The following GDAP1L1 variants were observed in gnomAD, a reference collection of about 807,000 sequenced individuals.
The protein encoded by GDAP1L1 is ganglioside-induced differentiation-associated protein 1-like 1.
GDAP1L1 carries 21 observed loss-of-function variants against 37.1 expected under a neutral mutation model. The observed-to-expected ratio is 0.57, with a 90% CI of 0.40 to 0.81. The LOEUF (loss-of-function observed/expected upper bound fraction) is 0.81, where lower values mean the gene tolerates loss of function less well. Ranked by LOEUF, GDAP1L1 falls within the 40% of genes least tolerant of loss-of-function variation. The pLI is 0.00. For synonymous variants in GDAP1L1, 193 were observed against 209.1 expected, an observed-to-expected ratio of 0.92 and a Z score of 0.67; for missense variants, 362 against 491.6, an observed-to-expected ratio of 0.74 and a Z score of 2.49.
intron 5 of GDAP1L1, among the ~76,000 whole-genome samples, chr20:44,267,326 T>C (rs2062463778): frequency 6.6e-6 from 1 of 152,122 alleles, no homozygotes; most frequent in Admixed American, 6.5e-5. Flanking sequence ...AAAAGGGTGA[T>C]AGGTTGGGCA....
Position 44,277,806 on chromosome 20 carries a change from C to T in GDAP1L1, c.761-1151C>T, listed in dbSNP as rs149985674. Among the ~76,000 whole-genome samples the T allele has an allele frequency of 2.8e-3, 433 of 152,222 alleles. 3 individuals are homozygous for T. Among genetic ancestry groups the T allele is most frequent in the African/African-American group, 9.7e-3 (404 of 41,520 alleles). ...GATTCTGGAAGATATCCAAAGTTAT[C>T]TGAAGACAATGCTGATGGAAATTGC... On this transcript the variant is annotated intron_variant, in intron 5 of 5. Transcript: ENST00000342560.
intron 2 of GDAP1L1, 165 bp from the exon 3 acceptor site, chr20:44,258,269 G>A (rs549660217): frequency 2.7e-6 from 2 of 748,150 alleles, no homozygotes; most frequent in Non-Finnish European, 4.8e-6. Flanking sequence ...AGGAGAGATG[G>A]CCGGGCCACC....
rs1174999228 is a variant in GDAP1L1, at chr20:44,280,256, A to T, written c.*956A>T. On this transcript the variant is annotated 3_prime_UTR_variant, in exon 6 of 6. Transcript: ENST00000342560. The stretch of plus-strand genomic sequence containing the variant: ...GCGGGGAAGTCTCTGCATCCATGCC[A>T]CCCACCCCAGTCGGGTCTCACTTTC... 6.4e-6 allele frequency: 1 copy of T among 156,764 alleles called. No individual in the cohort carries two copies. Among genetic ancestry groups the T allele is most frequent in the African/African-American group, 2.4e-5 (1 of 41,288 alleles). The allele number at this position is 156,764 out of a possible 1,614,324, so 9.7% of individuals were successfully genotyped here.
chr20:44,253,952 G>A (rs2073492587), intron 1 of GDAP1L1, among the ~76,000 whole-genome samples: 1 of 152,254 alleles, frequency 6.6e-6, no homozygotes, highest in Admixed American at 6.5e-5. Flanking sequence ...CAGGTGCCCT[G>A]CCAAGATGGA....
At chr20:44,247,927 C>T (rs1012478815) in intron 1 of GDAP1L1, among the ~76,000 whole-genome samples, 2 of 151,978 alleles carry the variant, frequency 1.3e-5, no homozygotes, top group Non-Finnish European at 2.9e-5. Flanking sequence ...GCCTCGGTAG[C>T]CCCCTCTCAG....
chr20:44,278,719 G>A (rs1950978705), intron 5 of GDAP1L1, among the ~76,000 whole-genome samples: 1 of 152,002 alleles, frequency 6.6e-6, no homozygotes, highest in South Asian at 2.1e-4. Flanking sequence ...TGTATCAGCT[G>A]TAAAATGAGG....
At chr20:44,272,964 C>T (rs776709183) in intron 5 of GDAP1L1, among the ~76,000 whole-genome samples, 6 of 152,136 alleles carry the variant, frequency 3.9e-5, no homozygotes, top group African/African-American at 1.2e-4. Context: ...GGGATACAGA[C>T]GCATGAAGAG....
At chr20:44,247,147 G>A (rs966964300), upstream of GDAP1L1, 4 of 629,648 alleles carry the variant, frequency 6.4e-6, no homozygotes, top group African/African-American at 1.9e-5. Flanking sequence ...CGCGGGCCAG[G>A]GGGAGGAGGA....
rs11481104 is a variant in GDAP1L1, at chr20:44,259,492, ATT to A, written c.547+903_547+904del. Among the ~76,000 whole-genome samples the A allele has an allele frequency of 8.7e-3, 1,148 of 132,452 alleles. 16 individuals carry two copies. Among genetic ancestry groups the A allele is most frequent in the African/African-American group, 0.029 (1,042 of 35,434 alleles). The allele number at this position is 132,452 out of a possible 152,430, so 86.9% of individuals were successfully genotyped here. A position where few individuals can be genotyped will look rare whatever the true frequency, so the allele number is the denominator to read the frequency against. The stretch of plus-strand genomic sequence containing the variant: ...CCATTGTCATTGAACAAGACTCAGA[ATT>A]TTTTTTTTTTTTTTTTTGTGAGACA... On this transcript the variant is annotated intron_variant, in intron 3 of 5. Coordinates refer to ENST00000342560, the MANE Select transcript of GDAP1L1 (RefSeq NM_024034.6).
chr20:44,263,200 G>A (rs1027116539), intron 3 of GDAP1L1, 30 bp from the exon 4 acceptor site: 35 of 1,575,338 alleles, frequency 2.2e-5, no homozygotes, highest in Non-Finnish European at 3.0e-5. Flanking sequence ...AGGTATCAGA[G>A]GGATGGGACC....
chr20:44,255,263 C>CAGGCATGGTGGCTCACACCTA (rs2073516144), intron 1 of GDAP1L1, among the ~76,000 whole-genome samples: 4 of 152,050 alleles, frequency 2.6e-5, no homozygotes, highest in Non-Finnish European at 5.9e-5. Context: ...TAAAGCTGCC[C>CAGGCATGGTGGCTCACACCTA]AGGCATGGTG....
chr20:44,256,960 G>A (rs907560800), intron 1 of GDAP1L1, among the ~76,000 whole-genome samples, 193 bp from the exon 2 acceptor site: 3 of 152,052 alleles, frequency 2.0e-5, no homozygotes, highest in South Asian at 2.1e-4. Context: ...GCAGAACTGC[G>A]CTCCTCCCTC....
intron 2 of GDAP1L1, among the ~76,000 whole-genome samples, chr20:44,257,645 G>A (rs1000497856): frequency 9.9e-5 from 15 of 151,604 alleles, no homozygotes; most frequent in Non-Finnish European, 1.5e-4. Context: ...CCTTTCCCCC[G>A]AGCTCTAGAG....
intron 3 of GDAP1L1, among the ~76,000 whole-genome samples, chr20:44,260,232 A>G (rs1247096744): frequency 6.6e-6 from 1 of 151,238 alleles, no homozygotes; most frequent in Non-Finnish European, 1.5e-5. Context: ...AAAAATTAAT[A>G]GGTGTATGGA....
intron 1 of GDAP1L1, among the ~76,000 whole-genome samples, chr20:44,255,293 G>A (rs758583075): frequency 3.5e-4 from 53 of 152,070 alleles, no homozygotes; most frequent in Non-Finnish European, 1.2e-4. Flanking sequence ...TATAATCTCA[G>A]CACTTTGGGA....
rs1416034282 is a variant in GDAP1L1, at chr20:44,279,892, A to C, written c.*592A>C. The C allele has an allele frequency of 4.7e-6, 2 of 423,392 alleles. No homozygotes were observed. Among genetic ancestry groups the C allele is most frequent in the African/African-American group, 4.1e-5 (2 of 48,522 alleles). 26.2% of individuals were successfully genotyped at this position (423,392 alleles called of 1,614,324 possible). A position where few individuals can be genotyped will look rare whatever the true frequency, so the allele number is the denominator to read the frequency against. On this transcript the variant is annotated 3_prime_UTR_variant, in exon 6 of 6. Coordinates refer to ENST00000342560, the MANE Select transcript of GDAP1L1 (RefSeq NM_024034.6). ...GCCAAGGCAGTGGCACCCAAAAACC[A>C]GGCTGCAGTGGGGACGGATACCATG... is the stretch of plus-strand genomic sequence containing the variant.
chr20:44,253,475 A>G (rs1351259101), intron 1 of GDAP1L1, among the ~76,000 whole-genome samples: 1 of 152,256 alleles, frequency 6.6e-6, no homozygotes, highest in Non-Finnish European at 1.5e-5. Flanking sequence ...TCACACCGCA[A>G]CTAAATGACT....
Position 44,279,431 on chromosome 20 carries a change from C to A in GDAP1L1, c.*131C>A, listed in dbSNP as rs868584778. Reference sequence around the variant, plus strand: ...CCGCCCTTCGTTCTGAGTAATAATACCGTCAGTGTGAAAACATTCCGTAGT... The same window carrying A: ...CCGCCCTTCGTTCTGAGTAATAATAACGTCAGTGTGAAAACATTCCGTAGT... On this transcript the variant is annotated 3_prime_UTR_variant, in exon 6 of 6. Transcript: ENST00000342560. 10 of 718,564 alleles carry A rather than the reference C, an allele frequency of 1.4e-5. No homozygotes were observed. In the African/African-American group the frequency reaches 1.6e-4, roughly 11 times the overall value. 44.5% of individuals were successfully genotyped at this position (718,564 alleles called of 1,614,324 possible).
intron 2 of GDAP1L1, chr20:44,258,229 C>A: frequency 2.8e-6 from 2 of 720,986 alleles, no homozygotes; most frequent in Non-Finnish European, 5.2e-6. Context: ...GAGGAGCTAA[C>A]CCTCGGGGAC....
Sources: allele counts gnomAD v4.1 joint callset (sites outside exome capture counted in the v4.1 genomes callset), GRCh38; gene constraint gnomAD v4.1.1; transcripts MANE v1.5; gene names NCBI Gene and HGNC (gene_info 2026-07-23, HGNC 2026-07-21).